Variants in MLLT10 observed in about 807,000 individuals in gnomAD.
MLLT10 encodes the protein MLLT10 histone lysine methyltransferase DOT1L cofactor, also known as protein AF-10.
Under a neutral mutation model 129.1 loss-of-function variants are expected in MLLT10, and 30 were observed. The observed-to-expected ratio is 0.23, with a 90% CI of 0.17 to 0.32. The LOEUF is 0.32. Among genes scored for constraint, MLLT10 ranks in the 10% least tolerant of loss-of-function variants. MLLT10 has a pLI of 1.00. For missense variants in MLLT10, 1,119 were observed against 1,268.3 expected, an observed-to-expected ratio of 0.88 and a Z score of 1.79; for synonymous variants, 490 against 446.4, an observed-to-expected ratio of 1.10 and a Z score of -1.23.
intron 13 of MLLT10, among the ~76,000 whole-genome samples, chr10:21,683,866 T>C (rs2053005337): frequency 6.6e-6 from 1 of 151,940 alleles, no homozygotes; most frequent in Non-Finnish European, 1.5e-5. Flanking sequence ...ACTCCTAAAG[T>C]GTTGGGATTA....
intron 3 of MLLT10, among the ~76,000 whole-genome samples, chr10:21,581,115 G>A (rs1420894284): frequency 2.7e-5 from 4 of 147,844 alleles, no homozygotes; most frequent in African/African-American, 1.0e-4. Context: ...GCACGATCTC[G>A]GCTCACTGCA....
intron 8 of MLLT10, chr10:21,625,487 C>G: frequency 1.0e-6 from 1 of 1,001,116 alleles, no homozygotes; most frequent in Non-Finnish European, 1.6e-6. Flanking sequence ...TCAGCCCATT[C>G]AACTGTAACT....
chr10:21,629,840 A>G (rs1258562042), intron 8 of MLLT10, among the ~76,000 whole-genome samples: 1 of 152,188 alleles, frequency 6.6e-6, no homozygotes, highest in African/African-American at 2.4e-5. Context: ...GCTTGCGTGT[A>G]TAGTCCCAGC....
intron 3 of MLLT10, among the ~76,000 whole-genome samples, chr10:21,547,229 T>A (rs1240086340): frequency 1.3e-5 from 2 of 152,108 alleles, no homozygotes; most frequent in Non-Finnish European, 2.9e-5. Context: ...GCTCTATTTC[T>A]TTTATTTTAG....
At chr10:21,665,301 TGGG>T (rs60935994) in intron 9 of MLLT10, among the ~76,000 whole-genome samples, 41 of 113,008 alleles carry the variant, frequency 3.6e-4, no homozygotes, top group African/African-American at 1.2e-3. Flanking sequence ...TTGTTTTTTT[TGGG>T]GGGGGGGGGG....
At chr10:21,626,526 A>G (rs1280062765) in intron 8 of MLLT10, among the ~76,000 whole-genome samples, 1 of 152,140 alleles carries the variant, frequency 6.6e-6, no homozygotes, top group Non-Finnish European at 1.5e-5. Context: ...TAATACATTC[A>G]TGAGGGTAGT....
At chr10:21,651,904 T>A in intron 9 of MLLT10, 136 bp downstream of exon 9, 36 of 117,906 alleles carry the variant, frequency 3.1e-4, no homozygotes, top group Middle Eastern at 3.0e-3. Flanking sequence ...TTCTCATTTC[T>A]TTTTTTTTTT....
chr10:21,673,043 T>C (rs930660704), intron 10 of MLLT10, among the ~76,000 whole-genome samples: 4 of 152,182 alleles, frequency 2.6e-5, no homozygotes, highest in African/African-American at 4.8e-5. Context: ...TTGCGGAATG[T>C]TGCTGTGGCA....
intron 7 of MLLT10, among the ~76,000 whole-genome samples, chr10:21,616,501 C>G (rs942899575): frequency 1.3e-5 from 2 of 151,938 alleles, no homozygotes; most frequent in Admixed American, 6.6e-5. Context: ...TGCAATGGTA[C>G]AAGTGTTTTA....
chr10:21,545,887 G>A (rs1392381528), intron 3 of MLLT10, among the ~76,000 whole-genome samples: 4 of 151,886 alleles, frequency 2.6e-5, no homozygotes, highest in African/African-American at 7.2e-5. Context: ...GGCTGGTCTC[G>A]AACACCTGGC....
chr10:21,704,333 C>A (rs1391294047), intron 13 of MLLT10, among the ~76,000 whole-genome samples: 1 of 59,308 alleles, frequency 1.7e-5, no homozygotes, highest in Non-Finnish European at 3.4e-5. Context: ...TTTAAATTCT[C>A]TCTCTCTCTC....
chr10:21,540,616 A>G (rs988686359), intron 3 of MLLT10, among the ~76,000 whole-genome samples: 1 of 152,208 alleles, frequency 6.6e-6, no homozygotes, highest in Non-Finnish European at 1.5e-5. Flanking sequence ...ATTTCTGAAA[A>G]TATCAGAAAT....
chr10:21,574,234 C>T (rs1311438297), intron 3 of MLLT10, among the ~76,000 whole-genome samples: 2 of 152,062 alleles, frequency 1.3e-5, no homozygotes, highest in African/African-American at 2.4e-5. Flanking sequence ...TTCATCTAAG[C>T]TGTTGAATTG....
At chr10:21,640,071 A>T (rs1227161010) in intron 8 of MLLT10, among the ~76,000 whole-genome samples, 1 of 151,384 alleles carries the variant, frequency 6.6e-6, no homozygotes, top group African/African-American at 2.4e-5. Context: ...TTAACAAAAG[A>T]TACGCCTGTT....
chr10:21,611,070 C>A (rs1285322871), intron 5 of MLLT10, among the ~76,000 whole-genome samples: 1 of 143,092 alleles, frequency 7.0e-6, no homozygotes, highest in Non-Finnish European at 1.5e-5. Context: ...GATCTTGGCT[C>A]ACTGTAACTT....
chr10:21,624,693 C>A (rs934117423), intron 8 of MLLT10: 4 of 1,401,218 alleles, frequency 2.9e-6, no homozygotes, highest in Non-Finnish European at 4.0e-6. Context: ...GGCTGCTGAG[C>A]GATGGGTTGA....
chr10:21,707,347 C>T (rs941591338), intron 13 of MLLT10, among the ~76,000 whole-genome samples: 1 of 151,876 alleles, frequency 6.6e-6, no homozygotes, highest in African/African-American at 2.4e-5. Flanking sequence ...CACGCGCCAC[C>T]ATGCCCGGCT....
Position 21,599,622 on chromosome 10 carries a change from T to TGGTG in MLLT10, c.405+4183_405+4186dup, listed in dbSNP as rs201047376. Among the ~76,000 whole-genome samples, 1,423 of 152,290 alleles carry TGGTG rather than the reference T, an allele frequency of 9.3e-3. 11 individuals carry two copies. Among genetic ancestry groups the TGGTG allele is most frequent in the Non-Finnish European group, 0.013 (877 of 68,030 alleles). On this transcript the variant is annotated intron_variant, in intron 5 of 22. Transcript: ENST00000307729. ...CTTTGTCACCCAGGCTGGAGTGCAG[T>TGGTG]GGTGCAGTTTTGGCTCACTGCAGCC...
At chr10:21,541,010 A>T (rs1433808535) in intron 3 of MLLT10, among the ~76,000 whole-genome samples, 4 of 152,196 alleles carry the variant, frequency 2.6e-5, no homozygotes, top group African/African-American at 9.6e-5. Flanking sequence ...AAATACAAAA[A>T]TTAGCTGGGT....
Sources: allele counts gnomAD v4.1 joint callset (sites outside exome capture counted in the v4.1 genomes callset), GRCh38; gene constraint gnomAD v4.1.1; transcripts MANE v1.5; gene names NCBI Gene and HGNC (gene_info 2026-07-23, HGNC 2026-07-21).